The following CFLAR variants were observed in gnomAD, a reference collection of about 807,000 sequenced individuals.
CFLAR encodes the protein CASP8 and FADD-like apoptosis regulator.
Under a neutral mutation model 51.1 loss-of-function variants are expected in CFLAR, and 14 were observed. That is an observed-to-expected ratio of 0.27 (90% CI 0.18 to 0.43). The LOEUF (loss-of-function observed/expected upper bound fraction) is 0.43. CFLAR is among the 20% of genes least tolerant of loss of function. The pLI is 1.00. For synonymous variants in CFLAR, 210 were observed against 211.6 expected, an observed-to-expected ratio of 0.99 and a Z score of 0.06; for missense variants, 390 against 566.5, an observed-to-expected ratio of 0.69 and a Z score of 3.16.
intron 1 of CFLAR, among the ~76,000 whole-genome samples, chr2:201,120,584 A>G (rs145291523): frequency 4.3e-4 from 66 of 152,294 alleles, no homozygotes; most frequent in African/African-American, 1.3e-3. Context: ...AATAATTTAT[A>G]TGTATATTTG....
intron 1 of CFLAR, among the ~76,000 whole-genome samples, chr2:201,123,848 A>C (rs1041201872): frequency 1.3e-5 from 2 of 152,216 alleles, no homozygotes; most frequent in African/African-American, 4.8e-5. Flanking sequence ...AGAATTGTGC[A>C]ACCTCTTCTG....
intron 6 of CFLAR, chr2:201,148,242 C>T (rs971864021): frequency 1.3e-5 from 2 of 152,046 alleles, no homozygotes; most frequent in African/African-American, 4.8e-5. Context: ...TTTAAGTTCA[C>T]AGAATCAATA....
chr2:201,122,709 T>C (rs1180647821), intron 1 of CFLAR: 1 of 152,204 alleles, frequency 6.6e-6, no homozygotes, highest in African/African-American at 2.4e-5. Context: ...AAGACAAGCT[T>C]ATAGAAGAGA....
At chr2:201,135,888 A>C (rs915029478) in intron 3 of CFLAR, 84 bp from the exon 4 acceptor site, 2 of 1,531,604 alleles carry the variant, frequency 1.3e-6, no homozygotes, top group Non-Finnish European at 1.8e-6. Context: ...CAGCCTCCCA[A>C]AGTGCTGGGA....
In CFLAR at chr2:201,160,495, T is replaced by A. The variant is rs771045318; in HGVS notation, c.857T>A (p.Met286Lys). The A allele has an allele frequency of 6.2e-7, 1 of 1,613,998 alleles. No individual in the cohort carries two copies. Among genetic ancestry groups the A allele is most frequent in the Non-Finnish European group, 8.5e-7 (1 of 1,180,020 alleles). ...GTCCAGAAATTCTTGCATCTCAGTA[T>A]GCATGGTATATCCCAGATTCTTGGC... ...YEVQKFLHLS[M>K]HGISQILGQF... is the part of the protein sequence containing the mutation. The change falls in exon 9 of 10, where the codon ATG becomes AAG. Residue 286 changes from methionine (M) to lysine (K), a missense_variant. Transcript: ENST00000309955.
In CFLAR at chr2:201,158,629, T is replaced by A. The variant is rs1321225133; in HGVS notation, c.794-1803T>A. Among the ~76,000 whole-genome samples the A allele has an allele frequency of 3.3e-5, 5 of 152,120 alleles. No homozygotes were observed. The South Asian group carries it at 8.3e-4, about 25-fold the overall frequency. ...GTCCAGGTTCTCTCCTTGTTCAGCC[T>A]GGATTCAGCACTGGGTATCGAAACA... On this transcript the variant is annotated intron_variant, in intron 8 of 9. Coordinates refer to ENST00000309955, the MANE Select transcript of CFLAR (RefSeq NM_003879.7).
chr2:201,145,679 T>C, intron 6 of CFLAR: 1 of 418,752 alleles, frequency 2.4e-6, no homozygotes, highest in Non-Finnish European at 4.3e-6. Context: ...TTAAGAGATG[T>C]GATGTTTATA....
chr2:201,153,031 C>G (rs1296411745), intron 8 of CFLAR: 1 of 152,232 alleles, frequency 6.6e-6, no homozygotes, highest in Non-Finnish European at 1.5e-5. Flanking sequence ...AGACATAGTC[C>G]TTTAAAGTTC....
rs780008399 is a variant in CFLAR at position 201,140,971 on chromosome 2, G to A, written c.606+532G>A. On this transcript the variant is annotated intron_variant, in intron 5 of 9. Transcript: ENST00000309955. ...TTTGCCCGGGTGCGGTGGCTCATGC[G>A]TGTAATCCCAGCACTTTGGGAGGCC... Among the ~76,000 whole-genome samples the A allele has an allele frequency of 2.8e-4, 42 of 152,148 alleles. 1 individual carries two copies. The highest frequency in any genetic ancestry group is 3.4e-3 in the Middle Eastern group (1 of 294).
rs534726840 is a variant in CFLAR at position 201,163,824 on chromosome 2, G to C, written c.1305-11G>C. Reference sequence around the variant, plus strand: ...CATGGCATTAAATTTTGCCTTTCTTGTTTTCTCCAGAAAACGCCCACTCCT... The same window carrying C: ...CATGGCATTAAATTTTGCCTTTCTTCTTTTCTCCAGAAAACGCCCACTCCT... On this transcript the variant is annotated splice_polypyrimidine_tract_variant and intron_variant, in intron 9 of 9. Transcript: ENST00000309955. The C allele has an allele frequency of 1.3e-6, 2 of 1,599,820 alleles. No homozygotes were observed. The highest frequency in any genetic ancestry group is 3.6e-5 in the Admixed American group (2 of 56,210).
intron 3 of CFLAR, 121 bp downstream of exon 3, chr2:201,133,255 C>G: frequency 1.5e-6 from 1 of 661,544 alleles, no homozygotes; most frequent in Non-Finnish European, 2.7e-6. Context: ...TCAGACATCT[C>G]AGGTGGCTTT....
At chr2:201,163,305 A>C (rs1943240775) in intron 9 of CFLAR, 1 of 1,257,076 alleles carries the variant, frequency 8.0e-7, no homozygotes, top group East Asian at 3.6e-5. Flanking sequence ...AAGCTGAATG[A>C]AGCCACAATG....
intron 5 of CFLAR, chr2:201,140,813 T>G (rs1938596997): frequency 6.3e-6 from 1 of 159,348 alleles, no homozygotes; most frequent in Non-Finnish European, 1.4e-5. Context: ...AATTGGACAT[T>G]TTTTTCACTG....
At chr2:201,131,268 G>T (rs148677769) in intron 2 of CFLAR, among the ~76,000 whole-genome samples, 1 of 151,786 alleles carries the variant, frequency 6.6e-6, no homozygotes, top group African/African-American at 2.4e-5. Context: ...ACAAAGTCTC[G>T]CTCTGCAGCC....
intron 8 of CFLAR, among the ~76,000 whole-genome samples, chr2:201,152,344 G>A (rs1348543535): frequency 6.6e-6 from 1 of 151,872 alleles, no homozygotes; most frequent in Admixed American, 6.6e-5. Flanking sequence ...CTGTAGTGCT[G>A]AGTTCTCGGC....
intron 5 of CFLAR, 78 bp from the exon 6 acceptor site, chr2:201,145,300 A>G (rs865853637): frequency 1.1e-4 from 86 of 772,436 alleles, no homozygotes; most frequent in Middle Eastern, 5.1e-4. Context: ...TCCTATTGAG[A>G]CATTTAAAGA....
chr2:201,127,570 A>T (rs2048826990), intron 1 of CFLAR, among the ~76,000 whole-genome samples: 1 of 152,168 alleles, frequency 6.6e-6, no homozygotes, highest in African/African-American at 2.4e-5. Context: ...CTTAAACCCC[A>T]ACAAAGTGGT....
chr2:201,147,310 C>T (rs536999967), intron 6 of CFLAR, among the ~76,000 whole-genome samples: 15 of 152,134 alleles, frequency 9.9e-5, no homozygotes, highest in Admixed American at 9.8e-4. Context: ...GGGTGCATCA[C>T]CTGAGGTCAG....
rs564802584 is a variant in CFLAR, at chr2:201,166,269, C to G, written c.*2296C>G. ...CTGGCCGGGCGGGGGCTGACCCCCA[C>G]GCCTCCCTCCCGGACGGGGCGGCTG... is the stretch of plus-strand genomic sequence containing the variant. On this transcript the variant is annotated 3_prime_UTR_variant, in exon 10 of 10. Transcript: ENST00000309955. The G allele has an allele frequency of 1.4e-5, 2 of 143,804 alleles. No individual in the cohort carries two copies. The highest frequency in any genetic ancestry group is 2.6e-5 in the African/African-American group (1 of 37,994). The allele number at this position is 143,804 out of a possible 1,614,324, so 8.9% of individuals were successfully genotyped here.
Sources: gnomAD v4.1 joint callset for allele counts (sites outside exome capture counted in the v4.1 genomes callset) on GRCh38, gnomAD v4.1.1 for gene constraint, MANE v1.5 for transcripts, NCBI Gene and HGNC (gene_info 2026-07-23, HGNC 2026-07-21) for gene names.